REDIC1: variants seen among roughly 807,000 people sequenced by gnomAD.
REDIC1 encodes the protein HEI10 Interacting Protein 1.
chr12:39,829,998 G>C, the REDIC1 span: 1 of 1,372,518 alleles, frequency 7.3e-7, no homozygotes, highest in South Asian at 1.2e-5. Flanking sequence ...AGTTATGAAG[G>C]CCAGTTTAAA....
At chr12:39,721,892 TA>T in the REDIC1 span, 2 of 152,120 alleles carry the variant, frequency 1.3e-5, no homozygotes, top group African/African-American at 2.4e-5. Flanking sequence ...TGTTTGAAAT[TA>T]AAAAATGATT....
At chr12:39,756,025 C>T in the REDIC1 span, 15 of 151,848 alleles carry the variant, frequency 9.9e-5, no homozygotes, top group African/African-American at 3.6e-4. Flanking sequence ...AAAATAGCAG[C>T]AGTATTGCTC....
chr12:39,626,227 C>G, the REDIC1 span: 1 of 1,227,696 alleles, frequency 8.1e-7, no homozygotes, highest in Non-Finnish European at 1.2e-6. Context: ...TACTCGGGCC[C>G]TGACGTTGTC....
chr12:39,882,209 C>T, the REDIC1 span, among the ~76,000 whole-genome samples: 1 of 152,116 alleles, frequency 6.6e-6, no homozygotes, highest in African/African-American at 2.4e-5. Flanking sequence ...TATTGGTGTG[C>T]TACAGGATCT....
At chr12:39,728,641 C>T in the REDIC1 span, among the ~76,000 whole-genome samples, 1 of 152,082 alleles carries the variant, frequency 6.6e-6, no homozygotes, top group Non-Finnish European at 1.5e-5. Context: ...GTTTTGGTAT[C>T]AGGATGATGC....
chr12:39,634,583 T>C, the REDIC1 span, among the ~76,000 whole-genome samples: 1 of 152,142 alleles, frequency 6.6e-6, no homozygotes, highest in Non-Finnish European at 1.5e-5. Context: ...TGGCTAGCCA[T>C]ATGTAGAAAG....
At chr12:39,861,017 T>C in the REDIC1 span, among the ~76,000 whole-genome samples, 13 of 152,338 alleles carry the variant, frequency 8.5e-5, no homozygotes, top group Admixed American at 5.2e-4. Flanking sequence ...TCTGTCTTAA[T>C]AGTCTTATCT....
chr12:39,667,874 G>A, the REDIC1 span, among the ~76,000 whole-genome samples: 1 of 152,122 alleles, frequency 6.6e-6, no homozygotes, highest in Non-Finnish European at 1.5e-5. Context: ...TTTTATCAGA[G>A]ACTAGGATTG....
chr12:39,805,407 G>A, the REDIC1 span, among the ~76,000 whole-genome samples: 1 of 152,066 alleles, frequency 6.6e-6, no homozygotes, highest in East Asian at 1.9e-4. Context: ...TAGAAGTGGT[G>A]TAAGGAAGTG....
chr12:39,899,921 T>C, the REDIC1 span, among the ~76,000 whole-genome samples: 1 of 152,088 alleles, frequency 6.6e-6, no homozygotes, highest in Non-Finnish European at 1.5e-5. Context: ...AATTTTGGAA[T>C]AGGTGTGGGG....
the REDIC1 span, among the ~76,000 whole-genome samples, chr12:39,866,910 G>T: frequency 6.6e-6 from 1 of 152,180 alleles, no homozygotes; most frequent in Non-Finnish European, 1.5e-5. Flanking sequence ...TTAAAGAAAG[G>T]TCAGAAGTCT....
chr12:39,767,861 G>A, the REDIC1 span, among the ~76,000 whole-genome samples: 7 of 151,966 alleles, frequency 4.6e-5, no homozygotes, highest in Non-Finnish European at 1.0e-4. Flanking sequence ...CCTTCCTGTC[G>A]CCATGTGAAG....
At chr12:39,891,365 G>A in the REDIC1 span, among the ~76,000 whole-genome samples, 1 of 151,632 alleles carries the variant, frequency 6.6e-6, no homozygotes, top group African/African-American at 2.4e-5. Flanking sequence ...ACTCCTCATT[G>A]CCTATTCCTA....
the REDIC1 span, among the ~76,000 whole-genome samples, chr12:39,905,658 C>T: frequency 6.6e-6 from 1 of 151,998 alleles, no homozygotes; most frequent in Non-Finnish European, 1.5e-5. Flanking sequence ...TCCTTTAAGA[C>T]ATCTTATGTC....
the REDIC1 span, among the ~76,000 whole-genome samples, chr12:39,717,316 C>A: frequency 6.6e-6 from 1 of 151,738 alleles, no homozygotes; most frequent in Non-Finnish European, 1.5e-5. Context: ...ATAACATAAA[C>A]AGTTGATTAA....
chr12:39,894,888 T>G, the REDIC1 span, among the ~76,000 whole-genome samples: 4 of 152,138 alleles, frequency 2.6e-5, no homozygotes, highest in Non-Finnish European at 5.9e-5. Context: ...GAAATGGATA[T>G]GAAACCATCG....
the REDIC1 span, among the ~76,000 whole-genome samples, chr12:39,669,648 G>T: frequency 6.6e-6 from 1 of 152,244 alleles, no homozygotes; most frequent in African/African-American, 2.4e-5. Flanking sequence ...CCTGCCCCCA[G>T]AGGTGGAGTC....
At chr12:39,681,334 G>C in the REDIC1 span, among the ~76,000 whole-genome samples, 2 of 152,100 alleles carry the variant, frequency 1.3e-5, no homozygotes, top group Non-Finnish European at 2.9e-5. Context: ...GGTGGAGGAG[G>C]GATGAGGGAT....
At chr12:39,736,945 A>G in the REDIC1 span, 10 of 152,174 alleles carry the variant, frequency 6.6e-5, no homozygotes, top group African/African-American at 2.4e-4. Context: ...CAGATTTCAT[A>G]TTTATGATAA....
Sources: allele counts gnomAD v4.1 joint callset (sites outside exome capture counted in the v4.1 genomes callset), GRCh38; gene constraint gnomAD v4.1.1; transcripts MANE v1.5; gene names NCBI Gene and HGNC (gene_info 2026-07-23, HGNC 2026-07-21).